The following MAGI1 variants were observed in gnomAD, a reference collection of about 807,000 sequenced individuals.
MAGI1 encodes membrane associated guanylate kinase, WW and PDZ domain containing 1, also known as membrane-associated guanylate kinase, WW and PDZ domain-containing protein 1.
In MAGI1, 58 loss-of-function variants were observed where a neutral mutation model predicts 139.9. That is an observed-to-expected ratio of 0.41 (90% CI 0.34 to 0.52). The LOEUF (loss-of-function observed/expected upper bound fraction) is 0.52. Ranked by LOEUF, MAGI1 falls within the 20% of genes least tolerant of loss-of-function variation. The pLI is 0.12. For missense variants in MAGI1, 1,874 were observed against 1,901.6 expected (o/e 0.99, Z 0.27); for synonymous variants, 812 against 737.9 (o/e 1.10, Z -1.63).
chr3:65,550,220 G>T (rs1332459138), intron 2 of MAGI1, among the ~76,000 whole-genome samples: 1 of 152,168 alleles, frequency 6.6e-6, no homozygotes, highest in Non-Finnish European at 1.5e-5. Flanking sequence ...CCAGGAGGGG[G>T]TTAAGTATTT....
At chr3:65,530,768 T>TACAC (rs1559642883) in intron 2 of MAGI1, among the ~76,000 whole-genome samples, 1 of 77,498 alleles carries the variant, frequency 1.3e-5, no homozygotes, top group East Asian at 3.3e-4. Flanking sequence ...TATATATATA[T>TACAC]ATATACACAC....
At chr3:65,936,918 T>TGG (rs2063084222) in intron 1 of MAGI1, among the ~76,000 whole-genome samples, 1 of 149,230 alleles carries the variant, frequency 6.7e-6, no homozygotes, top group African/African-American at 2.5e-5. Context: ...GTTGTTGTTG[T>TGG]TGGTGGTGGT....
intron 1 of MAGI1, among the ~76,000 whole-genome samples, chr3:65,914,934 A>C (rs1324349884): frequency 2.6e-5 from 4 of 152,240 alleles, no homozygotes; most frequent in Non-Finnish European, 4.4e-5. Context: ...GATAGTAGTG[A>C]AAGTTACACA....
intron 1 of MAGI1, among the ~76,000 whole-genome samples, chr3:65,971,307 T>G (rs1361655017): frequency 6.6e-6 from 1 of 152,226 alleles, no homozygotes; most frequent in East Asian, 1.9e-4. Context: ...TGTAGAACTG[T>G]GCTTCATTCC....
intron 1 of MAGI1, among the ~76,000 whole-genome samples, chr3:65,942,723 A>G (rs1258845571): frequency 6.6e-6 from 1 of 152,226 alleles, no homozygotes; most frequent in Non-Finnish European, 1.5e-5. Context: ...GAGGATCAGT[A>G]TTTGTAAAAT....
intron 14 of MAGI1, among the ~76,000 whole-genome samples, chr3:65,384,059 A>C (rs1218962638): frequency 6.6e-6 from 1 of 152,212 alleles, no homozygotes; most frequent in Non-Finnish European, 1.5e-5. Context: ...AGTCATGTTA[A>C]GTCACCAGAT....
At chr3:65,538,462 T>A (rs1401333780) in intron 2 of MAGI1, among the ~76,000 whole-genome samples, 1 of 152,210 alleles carries the variant, frequency 6.6e-6, no homozygotes. Context: ...TTTTCTCATG[T>A]GTTCAGCATT....
intron 5 of MAGI1, 34 bp from the exon 6 acceptor site, chr3:65,453,374 T>TG (rs775050888): frequency 2.1e-5 from 29 of 1,395,668 alleles, no homozygotes; most frequent in Non-Finnish European, 2.5e-5. Context: ...GAAATTTGTT[T>TG]GAAAAAAAAA....
intron 1 of MAGI1, among the ~76,000 whole-genome samples, chr3:65,663,795 C>A (rs759744157): frequency 1.6e-4 from 24 of 152,128 alleles, no homozygotes; most frequent in South Asian, 4.1e-4. Context: ...TTGACCTAAA[C>A]CCACTAGGTC....
At chr3:65,578,939 GA>G (rs2081296953) in intron 2 of MAGI1, among the ~76,000 whole-genome samples, 1 of 148,322 alleles carries the variant, frequency 6.7e-6, no homozygotes, top group Non-Finnish European at 1.5e-5. Context: ...GAGAGAGAGA[GA>G]GAGAGACAGA....
chr3:65,826,605 A>G (rs2042244844), intron 1 of MAGI1, among the ~76,000 whole-genome samples: 1 of 152,220 alleles, frequency 6.6e-6, no homozygotes, highest in African/African-American at 2.4e-5. Context: ...TCATTCAACA[A>G]TTGGTACATT....
At chr3:65,473,366 G>A (rs764946235) in intron 4 of MAGI1, among the ~76,000 whole-genome samples, 13 of 152,080 alleles carry the variant, frequency 8.5e-5, no homozygotes, top group Non-Finnish European at 1.5e-4. Context: ...CATAAGAACA[G>A]AATTAACACA....
chr3:65,682,137 AC>A (rs2107518715), intron 1 of MAGI1, among the ~76,000 whole-genome samples: 1 of 152,310 alleles, frequency 6.6e-6, no homozygotes, highest in Non-Finnish European at 1.5e-5. Context: ...CTTTAGTAAA[AC>A]AAAAACCCCT....
At chr3:65,869,367 T>G (rs112229769) in intron 1 of MAGI1, among the ~76,000 whole-genome samples, 6,567 of 118,978 alleles carry the variant, frequency 0.055, 470 homozygotes, top group African/African-American at 0.16. Context: ...AGACTGGTTT[T>G]TTGTTGTTGT....
chr3:65,546,403 T>G (rs1309525463), intron 2 of MAGI1, among the ~76,000 whole-genome samples: 2 of 152,230 alleles, frequency 1.3e-5, no homozygotes, highest in African/African-American at 4.8e-5. Context: ...GGATCAACAT[T>G]CAGTTTGCTT....
At chr3:65,674,954 G>A (rs535944609) in intron 1 of MAGI1, among the ~76,000 whole-genome samples, 1 of 152,202 alleles carries the variant, frequency 6.6e-6, no homozygotes, top group South Asian at 2.1e-4. Context: ...CTTTGCTCCT[G>A]GTTCCCAACA....
chr3:65,741,213 C>T (rs1305214194), intron 1 of MAGI1, among the ~76,000 whole-genome samples: 2 of 151,664 alleles, frequency 1.3e-5, no homozygotes, highest in Admixed American at 6.6e-5. Context: ...CTCACTCTGT[C>T]CCCCAGGCTG....
intron 1 of MAGI1, among the ~76,000 whole-genome samples, chr3:65,956,290 C>T (rs1452869853): frequency 1.3e-5 from 2 of 152,148 alleles, no homozygotes; most frequent in Non-Finnish European, 2.9e-5. Context: ...CATACCAACT[C>T]GGTGAGGAAT....
intron 1 of MAGI1, among the ~76,000 whole-genome samples, chr3:65,955,402 C>A (rs969738417): frequency 2.0e-5 from 3 of 152,142 alleles, no homozygotes; most frequent in Non-Finnish European, 4.4e-5. Context: ...TCAGTGGCTA[C>A]ATAGTAAGTG....
Sources: allele counts gnomAD v4.1 joint callset (sites outside exome capture counted in the v4.1 genomes callset), GRCh38; gene constraint gnomAD v4.1.1; transcripts MANE v1.5; gene names NCBI Gene and HGNC (gene_info 2026-07-23, HGNC 2026-07-21).